LTA4H: variants seen among roughly 807,000 people sequenced by gnomAD.
LTA4H encodes leukotriene A-4 hydrolase.
Under a neutral mutation model 89.8 loss-of-function variants are expected in LTA4H, and 59 were observed. That is an observed-to-expected ratio of 0.66 (90% CI 0.53 to 0.82). The LOEUF (loss-of-function observed/expected upper bound fraction) is 0.82. Among genes scored for constraint, LTA4H ranks in the 40% least tolerant of loss-of-function variants. The probability of loss-of-function intolerance (pLI) is 0.00; values close to 1 mark genes in which losing one functional copy is unlikely to be tolerated. For synonymous variants in LTA4H, 227 were observed against 253.1 expected (o/e 0.90, Z 0.98); for missense variants, 617 against 727.0 (o/e 0.85, Z 1.74).
intron 14 of LTA4H, chr12:96,010,540 T>C (rs1367466508): frequency 6.6e-6 from 1 of 152,204 alleles, no homozygotes; most frequent in Non-Finnish European, 1.5e-5. Flanking sequence ...GAAAACAGCA[T>C]GCTCAGGTAC....
upstream of LTA4H, among the ~76,000 whole-genome samples, chr12:96,039,731 G>A (rs1451136486): frequency 6.6e-6 from 1 of 152,170 alleles, no homozygotes; most frequent in Non-Finnish European, 1.5e-5. Context: ...ATGCATTTAC[G>A]GGAAATTTCA....
chr12:96,024,732 G>A (rs180976678), intron 3 of LTA4H, among the ~76,000 whole-genome samples, 185 bp from the exon 4 acceptor site: 138 of 150,010 alleles, frequency 9.2e-4, no homozygotes, highest in African/African-American at 3.2e-3. Context: ...TCAATGGCAT[G>A]ATCTTGGCTC....
At chr12:96,027,828 G>A (rs977676254) in intron 2 of LTA4H, 17 of 224,022 alleles carry the variant, frequency 7.6e-5, no homozygotes, top group African/African-American at 1.4e-4. Flanking sequence ...TGACTACCCC[G>A]TTGTGTGTCA....
At chr12:96,040,985 AAAAT>A (rs1950682628) in intron 1 of LTA4H, among the ~76,000 whole-genome samples, 1 of 152,206 alleles carries the variant, frequency 6.6e-6, no homozygotes, top group Non-Finnish European at 1.5e-5. Context: ...TCCCCTGCTT[AAAAT>A]CCTTCAAGGT....
chr12:96,006,368 C>T lies in LTA4H; in HGVS notation c.1476G>A (p.Leu492=). Residue 492 remains leucine, a synonymous_variant, in exon 16 of 19, where the codon CTG becomes CTA. Coordinates refer to ENST00000228740, the MANE Select transcript of LTA4H (RefSeq NM_000895.3). ...TCAATTGATGAGAAGAGAGATCCTT[C>T]AGGTCTGTGGCATTGAATGAATTTA... ...DDLNSFNATD[L]KDLSSHQLNE... 6.2e-7 allele frequency: 1 copy of T among 1,612,028 alleles called. No individual in the cohort carries two copies. The highest frequency in any genetic ancestry group is 8.5e-7 in the Non-Finnish European group (1 of 1,178,978).
intron 8 of LTA4H, among the ~76,000 whole-genome samples, chr12:96,018,165 T>G (rs974334711): frequency 6.6e-6 from 1 of 152,130 alleles, no homozygotes; most frequent in African/African-American, 2.4e-5. Flanking sequence ...TATCAATGAA[T>G]TGTTGTTACA....
intron 8 of LTA4H, 54 bp from the exon 9 acceptor site, chr12:96,017,634 T>C (rs932400500): frequency 2.3e-5 from 30 of 1,297,222 alleles, no homozygotes; most frequent in Non-Finnish European, 3.1e-5. Context: ...ACAGACTATC[T>C]AAAAGACTGC....
At chr12:96,020,902 C>A in intron 6 of LTA4H, 183 bp downstream of exon 6, 1 of 530,162 alleles carries the variant, frequency 1.9e-6, no homozygotes. Context: ...TAAGGGGTAA[C>A]TGGTCAAGAT....
upstream of LTA4H, among the ~76,000 whole-genome samples, chr12:96,036,106 T>C (rs112332456): frequency 2.0e-5 from 3 of 149,526 alleles, no homozygotes; most frequent in Non-Finnish European, 4.4e-5. Flanking sequence ...CAGTAATTGT[T>C]TTTTGTTTTT....
intron 11 of LTA4H, chr12:96,015,205 T>C (rs906403290): frequency 5.3e-5 from 27 of 506,884 alleles, no homozygotes; most frequent in Non-Finnish European, 9.3e-5. Flanking sequence ...CTGTTGTTTC[T>C]TGCTCAATAA....
At chr12:96,034,548 G>A (rs1309349882) in intron 1 of LTA4H, among the ~76,000 whole-genome samples, 1 of 152,164 alleles carries the variant, frequency 6.6e-6, no homozygotes, top group African/African-American at 2.4e-5. Flanking sequence ...ATCATCCTTA[G>A]AAAATTTGAA....
At chr12:96,019,415 C>T (rs1225723690) in intron 6 of LTA4H, among the ~76,000 whole-genome samples, 175 bp from the exon 7 acceptor site, 1 of 151,958 alleles carries the variant, frequency 6.6e-6, no homozygotes, top group Non-Finnish European at 1.5e-5. Context: ...GTTGTATATG[C>T]AGCAATAGAT....
At chr12:96,032,391 A>G (rs960506946) in intron 1 of LTA4H, among the ~76,000 whole-genome samples, 1 of 152,206 alleles carries the variant, frequency 6.6e-6, no homozygotes, top group Non-Finnish European at 1.5e-5. Flanking sequence ...ACTATTATCA[A>G]TGTAGCCCAT....
intron 1 of LTA4H, among the ~76,000 whole-genome samples, chr12:96,031,937 G>GA (rs948070444): frequency 8.6e-5 from 13 of 151,870 alleles, no homozygotes; most frequent in Non-Finnish European, 1.8e-4. Flanking sequence ...GGGATATGAT[G>GA]AAAAAAAATA....
intron 16 of LTA4H, among the ~76,000 whole-genome samples, chr12:96,005,582 C>G (rs1372598411): frequency 2.0e-5 from 3 of 152,132 alleles, no homozygotes; most frequent in Non-Finnish European, 2.9e-5. Flanking sequence ...AATTCCAGCC[C>G]TTGCTGCTCC....
chr12:96,040,435 C>T (rs1245621477), upstream of LTA4H, among the ~76,000 whole-genome samples: 2 of 152,182 alleles, frequency 1.3e-5, no homozygotes, highest in African/African-American at 4.8e-5. Context: ...TAGACATTTC[C>T]CAACCTTCTT....
chr12:96,019,585 ATT>A (rs755971682), intron 6 of LTA4H, among the ~76,000 whole-genome samples: 157 of 99,352 alleles, frequency 1.6e-3, no homozygotes, highest in African/African-American at 6.4e-3. Context: ...ATAAGAAACT[ATT>A]TTTTTTTTTT....
At chr12:96,018,951 G>A (rs1266244429) in intron 7 of LTA4H, 48 bp from the exon 8 acceptor site, 1 of 1,469,202 alleles carries the variant, frequency 6.8e-7, no homozygotes, top group Admixed American at 2.4e-5. Flanking sequence ...TATCACCATT[G>A]TACATTTCTT....
chr12:96,004,274 C>T (rs1208191875), intron 16 of LTA4H, among the ~76,000 whole-genome samples: 1 of 152,162 alleles, frequency 6.6e-6, no homozygotes, highest in Non-Finnish European at 1.5e-5. Context: ...CAATTCCATT[C>T]TCCAGATGAA....
Sources: gnomAD v4.1 joint callset for allele counts (sites outside exome capture counted in the v4.1 genomes callset) on GRCh38, gnomAD v4.1.1 for gene constraint, MANE v1.5 for transcripts, NCBI Gene and HGNC (gene_info 2026-07-23, HGNC 2026-07-21) for gene names.